SYN3: variants seen among roughly 807,000 people sequenced by gnomAD.
The protein encoded by SYN3 is synapsin-3.
A neutral mutation model predicts 65.8 loss-of-function variants in SYN3; 35 were observed. That is an observed-to-expected ratio of 0.53 (90% CI 0.41 to 0.70). The LOEUF is 0.70. SYN3 is among the 30% of genes least tolerant of loss of function. The pLI is 0.00. For synonymous variants in SYN3, 270 were observed against 292.9 expected, an observed-to-expected ratio of 0.92 and a Z score of 0.80; for missense variants, 680 against 749.0, an observed-to-expected ratio of 0.91 and a Z score of 1.08.
At chr22:32,562,078 T>C (rs769614570) in intron 7 of SYN3, among the ~76,000 whole-genome samples, 1 of 152,120 alleles carries the variant, frequency 6.6e-6, no homozygotes, top group Non-Finnish European at 1.5e-5. Context: ...CAATCCGAGA[T>C]CCAATGATTC....
chr22:33,000,778 T>G (rs1405636557), intron 2 of SYN3, among the ~76,000 whole-genome samples: 1 of 152,018 alleles, frequency 6.6e-6, no homozygotes, highest in Non-Finnish European at 1.5e-5. Context: ...CTTCCTCCCC[T>G]GGGAGACAGC....
At chr22:32,691,496 C>G (rs1855758684) in intron 6 of SYN3, among the ~76,000 whole-genome samples, 1 of 152,238 alleles carries the variant, frequency 6.6e-6, no homozygotes, top group African/African-American at 2.4e-5. Context: ...TCTTGCCTAA[C>G]AGAAGAGAAA....
rs578219432 is a variant in SYN3 at position 32,751,609 on chromosome 22, G to A, written c.711+113306C>T. Among the ~76,000 whole-genome samples the A allele has an allele frequency of 7.9e-5, 12 of 152,320 alleles. No homozygotes were observed. The East Asian group carries it at 1.5e-3, about 20-fold the overall frequency. Reference sequence around the variant, plus strand: ...TTTCTGGTGGTGACCTTGGCAGAGGGTGTTGACAGCAGTGGGATATCACCA... The same window carrying A: ...TTTCTGGTGGTGACCTTGGCAGAGGATGTTGACAGCAGTGGGATATCACCA... On this transcript the variant is annotated intron_variant, in intron 6 of 13. Coordinates refer to ENST00000358763, the MANE Select transcript of SYN3 (RefSeq NM_003490.4).
rs1310348418 is a variant in SYN3 at position 32,511,449 on chromosome 22, C to T, written c.*2243G>A. Among the ~76,000 whole-genome samples the T allele has an allele frequency of 2.0e-5, 3 of 152,240 alleles. No homozygotes were observed. Among genetic ancestry groups the T allele is most frequent in the Non-Finnish European group, 4.4e-5 (3 of 68,044 alleles). On this transcript the variant is annotated 3_prime_UTR_variant, in exon 14 of 14. Transcript: ENST00000358763. ...ATCTCAGCTGCCTCTGGATAGGATT[C>T]TGCCAGCTCCTGGCCAGACTAGTTC...
At chr22:32,582,736 C>G (rs2058967025) in intron 7 of SYN3, among the ~76,000 whole-genome samples, 1 of 152,122 alleles carries the variant, frequency 6.6e-6, no homozygotes, top group South Asian at 2.1e-4. Context: ...CCAGTACTTC[C>G]ATAGGGCACA....
intron 6 of SYN3, among the ~76,000 whole-genome samples, chr22:32,658,599 G>A (rs1387804108): frequency 1.3e-5 from 2 of 152,218 alleles, no homozygotes; most frequent in African/African-American, 2.4e-5. Context: ...CCATCCATAA[G>A]GCATTTCAGG....
chr22:32,937,074 C>T (rs1316719771), intron 3 of SYN3, among the ~76,000 whole-genome samples: 1 of 152,182 alleles, frequency 6.6e-6, no homozygotes, highest in Non-Finnish European at 1.5e-5. Context: ...AAAGTAGTGA[C>T]ATTCAATCAC....
chr22:32,713,396 G>C (rs2899193), intron 6 of SYN3, among the ~76,000 whole-genome samples: 38,100 of 152,066 alleles, frequency 0.25, 5,989 homozygotes, highest in East Asian at 0.63. Context: ...ACTTTCAGAG[G>C]CTTGCTTTGC....
At chr22:32,680,486 A>G (rs2060508278) in intron 6 of SYN3, among the ~76,000 whole-genome samples, 1 of 152,150 alleles carries the variant, frequency 6.6e-6, no homozygotes, top group African/African-American at 2.4e-5. Context: ...GTGTTTTTCA[A>G]ATCAAGACAC....
At chr22:32,654,497 A>C (rs73154381) in intron 6 of SYN3, among the ~76,000 whole-genome samples, 140 of 152,208 alleles carry the variant, frequency 9.2e-4, no homozygotes, top group Admixed American at 3.7e-3. Context: ...TGTCCCCTAC[A>C]TGCCACCCAG....
At chr22:32,970,620 G>A (rs1352123013) in intron 3 of SYN3, among the ~76,000 whole-genome samples, 1 of 151,940 alleles carries the variant, frequency 6.6e-6, no homozygotes, top group Non-Finnish European at 1.5e-5. Flanking sequence ...TCAGCCCTTG[G>A]GGGAAAACAA....
chr22:32,839,395 GAGTAAAAGCC>G (rs2047830879), intron 6 of SYN3, among the ~76,000 whole-genome samples: 1 of 152,166 alleles, frequency 6.6e-6, no homozygotes, highest in Admixed American at 6.5e-5. Flanking sequence ...GCCATTTGCA[GAGTAAAAGCC>G]TCAGGGATTC....
chr22:32,782,411 A>G (rs1340427417), intron 6 of SYN3, among the ~76,000 whole-genome samples: 2 of 152,002 alleles, frequency 1.3e-5, no homozygotes, highest in East Asian at 1.9e-4. Flanking sequence ...CATGATGACC[A>G]GGCTGGTCTC....
At chr22:32,811,436 A>G (rs2046912112) in intron 6 of SYN3, among the ~76,000 whole-genome samples, 1 of 152,198 alleles carries the variant, frequency 6.6e-6, no homozygotes, top group African/African-American at 2.4e-5. Flanking sequence ...TTCGGTGAGG[A>G]AAATGGCGCT....
At chr22:32,673,746 TG>T (rs2060403589) in intron 6 of SYN3, among the ~76,000 whole-genome samples, 1 of 152,114 alleles carries the variant, frequency 6.6e-6, no homozygotes, top group Non-Finnish European at 1.5e-5. Flanking sequence ...GGCTTAGGGA[TG>T]AGAGAAAGAT....
chr22:32,556,004 G>A (rs530182825), intron 7 of SYN3, among the ~76,000 whole-genome samples: 94 of 152,116 alleles, frequency 6.2e-4, no homozygotes, highest in Admixed American at 1.0e-3. Flanking sequence ...ATCAATTCCC[G>A]AGCTCATCAA....
intron 6 of SYN3, among the ~76,000 whole-genome samples, chr22:32,696,043 T>C (rs553308785): frequency 2.6e-5 from 4 of 152,324 alleles, no homozygotes; most frequent in African/African-American, 9.6e-5. Context: ...CACCTCCAAA[T>C]TGCAATGGTT....
intron 6 of SYN3, among the ~76,000 whole-genome samples, chr22:32,831,969 G>A (rs749745857): frequency 1.3e-5 from 2 of 152,210 alleles, no homozygotes; most frequent in Admixed American, 6.5e-5. Flanking sequence ...CAGGGCAGGC[G>A]TGGCAGGCTG....
chr22:32,677,329 G>C (rs2060459940), intron 6 of SYN3, among the ~76,000 whole-genome samples: 1 of 152,162 alleles, frequency 6.6e-6, no homozygotes, highest in Non-Finnish European at 1.5e-5. Flanking sequence ...AAATGCGCTA[G>C]TATGTAACAC....
Sources: allele counts gnomAD v4.1 joint callset (sites outside exome capture counted in the v4.1 genomes callset), GRCh38; gene constraint gnomAD v4.1.1; transcripts MANE v1.5; gene names NCBI Gene and HGNC (gene_info 2026-07-23, HGNC 2026-07-21).